Variants in TMEM222 observed in about 807,000 individuals in gnomAD.
The protein encoded by TMEM222 is chromosome 1 open reading frame 160.
Under a neutral mutation model 25.1 loss-of-function variants are expected in TMEM222, and 18 were observed. That is an observed-to-expected ratio of 0.72 (90% confidence interval 0.50 to 1.06). The LOEUF (loss-of-function observed/expected upper bound fraction) is 1.06, where lower values mean the gene tolerates loss of function less well. TMEM222 is among the 50% of genes least tolerant of loss of function. The pLI is 0.00. For synonymous variants in TMEM222, 131 were observed against 117.9 expected (o/e 1.11, Z -0.72); for missense variants, 296 against 293.7 (o/e 1.01, Z -0.06).
At position 27,335,715 on chromosome 1, in the gene TMEM222, GTTC is replaced by G. The variant is rs1205469540; in HGVS notation, c.*254_*256del. ...TGACTCCGGCCCTGGAAGCCCCTTT[GTTC>G]TTCTGTTGAAAGGCTTTGGCTTCCC... On this transcript the variant is annotated 3_prime_UTR_variant, in exon 6 of 6. Coordinates refer to ENST00000374076, the MANE Select transcript of TMEM222 (RefSeq NM_032125.3). 5.4e-6 allele frequency: 3 copies of G among 553,520 alleles called. No individual in the cohort carries two copies. Among genetic ancestry groups the G allele is most frequent in the African/African-American group, 1.9e-5 (1 of 52,800 alleles). The allele number at this position is 553,520 out of a possible 1,614,324, so 34.3% of individuals were successfully genotyped here.
chr1:27,332,261 T>A, intron 3 of TMEM222, 160 bp downstream of exon 3: 1 of 803,330 alleles, frequency 1.2e-6, no homozygotes, highest in Non-Finnish European at 2.1e-6. Context: ...GGCAACCCCA[T>A]ACAGAGTGTG....
At chr1:27,333,463 T>G in intron 3 of TMEM222, 1 of 467,436 alleles carries the variant, frequency 2.1e-6, no homozygotes, top group Non-Finnish European at 4.4e-6. Flanking sequence ...GAAATGTATT[T>G]CTCACAGTTC....
intron 1 of TMEM222, chr1:27,325,843 G>A: frequency 1.3e-6 from 1 of 794,710 alleles, no homozygotes; most frequent in Admixed American, 1.7e-5. Context: ...GGTTAATTCA[G>A]AAGTATAAAT....
At chr1:27,332,827 G>A (rs1038326111) in intron 3 of TMEM222, 79 of 404,824 alleles carry the variant, frequency 2.0e-4, no homozygotes, top group African/African-American at 1.5e-3. Flanking sequence ...TGGGCCACCA[G>A]GTGTTCGCTG....
intron 5 of TMEM222, chr1:27,334,728 A>G: frequency 7.7e-7 from 1 of 1,305,190 alleles, no homozygotes; most frequent in Non-Finnish European, 1.0e-6. Context: ...TGGACACAGC[A>G]GAGCCCAGAC....
chr1:27,334,096 C>A, intron 4 of TMEM222, 42 bp downstream of exon 4: 4 of 1,613,938 alleles, frequency 2.5e-6, no homozygotes, highest in Non-Finnish European at 3.4e-6. Context: ...CAGGTGGGGA[C>A]CAGGGGGGAG....
chr1:27,331,626 T>C (rs2014481138), intron 2 of TMEM222, among the ~76,000 whole-genome samples: 1 of 152,204 alleles, frequency 6.6e-6, no homozygotes, highest in South Asian at 2.1e-4. Flanking sequence ...CGCCCTGCTA[T>C]GAATGCAGTC....
chr1:27,327,795 C>A (rs978961264), intron 1 of TMEM222, among the ~76,000 whole-genome samples: 2 of 152,132 alleles, frequency 1.3e-5, no homozygotes, highest in Non-Finnish European at 2.9e-5. Flanking sequence ...TTTTTAGATA[C>A]AGGGTCTCAC....
At chr1:27,328,277 G>T (rs906731650) in intron 1 of TMEM222, among the ~76,000 whole-genome samples, 1 of 152,208 alleles carries the variant, frequency 6.6e-6, no homozygotes, top group African/African-American at 2.4e-5. Flanking sequence ...AAAGCATGGG[G>T]TGGGAGGATT....
intron 1 of TMEM222, among the ~76,000 whole-genome samples, chr1:27,330,300 G>A (rs2014448736): frequency 6.6e-6 from 1 of 152,172 alleles, no homozygotes; most frequent in Admixed American, 6.5e-5. Flanking sequence ...AGGAGGCTGA[G>A]GCAGGAGAAT....
chr1:27,334,443 G>A, intron 5 of TMEM222, 162 bp downstream of exon 5: 1 of 1,286,438 alleles, frequency 7.8e-7, no homozygotes, highest in Non-Finnish European at 1.1e-6. Flanking sequence ...AGGGCCTGAT[G>A]GAGAGGGAGG....
At chr1:27,333,766 G>A in intron 3 of TMEM222, 192 bp from the exon 4 acceptor site, 1 of 595,084 alleles carries the variant, frequency 1.7e-6, no homozygotes, top group Non-Finnish European at 3.0e-6. Context: ...ATCCCCCCAG[G>A]ATCCCCCATG....
At chr1:27,334,344 A>G in intron 5 of TMEM222, 63 bp downstream of exon 5, 1 of 1,607,124 alleles carries the variant, frequency 6.2e-7, no homozygotes, top group Admixed American at 1.7e-5. Context: ...CAAGGATCCT[A>G]GAAAGACCAT....
chr1:27,333,092 G>T, intron 3 of TMEM222: 1 of 333,558 alleles, frequency 3.0e-6, no homozygotes, highest in East Asian at 7.6e-5. Context: ...ACTCACCCTG[G>T]CAAGCTGCCT....
rs1187273984 is a variant in TMEM222 at position 27,330,750 on chromosome 1, C to G, written c.225C>G (p.Gly75=). The change falls in exon 2 of 6, where the codon GGC becomes GGG. Residue 75 remains glycine, a synonymous_variant. Coordinates refer to ENST00000374076, the MANE Select transcript of TMEM222 (RefSeq NM_032125.3). ...TTTTCCCCATCATCGGCCACATGGG[C>G]ATCTGCACATCCACAGGAGTCATTC... ...TWFFPIIGHM[G]ICTSTGVIRD... 1 of 1,614,242 alleles carries G rather than the reference C, an allele frequency of 6.2e-7. No individual in the cohort carries two copies.
At position 27,331,053 on chromosome 1, in the gene TMEM222, C is replaced by T. The variant is rs1336304189; in HGVS notation, c.279+249C>T. On this transcript the variant is annotated intron_variant, in intron 2 of 5. Coordinates refer to ENST00000374076, the MANE Select transcript of TMEM222 (RefSeq NM_032125.3). ...CTGACCCAGCCCTTTGCCCCCACCC[C>T]TGGGGTACCGAGACATGGGTAGGGA... 3.6e-6 allele frequency: 5 copies of T among 1,405,054 alleles called. No individual in the cohort carries two copies. The Admixed American group carries it at 9.2e-5, about 26-fold the overall frequency. 87.0% of individuals were successfully genotyped at this position (1,405,054 alleles called of 1,614,324 possible). A position where few individuals can be genotyped will look rare whatever the true frequency, so the allele number is the denominator to read the frequency against.
chr1:27,334,318 C>T (rs1571014675), intron 5 of TMEM222, 37 bp downstream of exon 5: 1 of 1,612,966 alleles, frequency 6.2e-7, no homozygotes, highest in Non-Finnish European at 8.5e-7. Flanking sequence ...CACACACTGC[C>T]CAGAGGCTGC....
In TMEM222 at chr1:27,327,925, T is replaced by A. The variant is rs539199679; in HGVS notation, c.195-2795T>A. On this transcript the variant is annotated intron_variant, in intron 1 of 5. Transcript: ENST00000374076. ...CCCAGCCCCAGACTCTACTCTTAAATGCAGGATGTTCATTCATTATTTAGT... is the reference window on the plus strand; with the variant it reads ...CCCAGCCCCAGACTCTACTCTTAAAAGCAGGATGTTCATTCATTATTTAGT... Among the ~76,000 whole-genome samples, 10 of 152,384 alleles carry A rather than the reference T, an allele frequency of 6.6e-5. No homozygotes were observed. The East Asian group carries it at 1.3e-3, about 21-fold the overall frequency.
At chr1:27,333,150 T>G (rs1186255750) in intron 3 of TMEM222, 1 of 362,422 alleles carries the variant, frequency 2.8e-6, no homozygotes, top group Non-Finnish European at 5.5e-6. Flanking sequence ...CCCCGCGTGA[T>G]GTGGCCTCAC....
Sources: gnomAD v4.1 joint callset for allele counts (sites outside exome capture counted in the v4.1 genomes callset) on GRCh38, gnomAD v4.1.1 for gene constraint, MANE v1.5 for transcripts, NCBI Gene and HGNC (gene_info 2026-07-23, HGNC 2026-07-21) for gene names.